The following VWCE variants were observed in gnomAD, a reference collection of about 807,000 sequenced individuals.
VWCE encodes von Willebrand factor C and EGF domain-containing protein.
A neutral mutation model predicts 102.9 loss-of-function variants in VWCE; 68 were observed. The observed-to-expected ratio is 0.66, with a 90% CI of 0.54 to 0.81. The LOEUF is 0.81. Ranked by LOEUF, VWCE falls within the 30% of genes least tolerant of loss-of-function variation. The probability of loss-of-function intolerance (pLI) is 0.00; values close to 1 mark genes in which losing one functional copy is unlikely to be tolerated. For missense variants in VWCE, 1,137 were observed against 1,263.6 expected, an observed-to-expected ratio of 0.90 and a Z score of 1.52; for synonymous variants, 497 against 515.4, an observed-to-expected ratio of 0.96 and a Z score of 0.48.
chr11:61,272,869 C>T (rs564680825), intron 13 of VWCE, among the ~76,000 whole-genome samples: 2 of 151,902 alleles, frequency 1.3e-5, no homozygotes, highest in Admixed American at 6.6e-5. Flanking sequence ...CAGACACATA[C>T]ACACACACCC....
At chr11:61,266,387 T>C (rs1226664836) in intron 16 of VWCE, among the ~76,000 whole-genome samples, 1 of 151,904 alleles carries the variant, frequency 6.6e-6, no homozygotes, top group Non-Finnish European at 1.5e-5. Flanking sequence ...GAAAAGAATT[T>C]TTTAATTAGC....
rs1024621593 is a variant in VWCE, at chr11:61,274,635, T to A, written c.1496-51A>T. ...CTCAAGGTCTTTGGGCAGAGGCAGC[T>A]AAAGAAAGGGGGGAACAAATGGGTA... On this transcript the variant is annotated intron_variant, in intron 11 of 19. Transcript: ENST00000335613. 5 of 1,573,370 alleles carry A rather than the reference T, an allele frequency of 3.2e-6. No homozygotes were observed. The African/African-American group carries it at 5.4e-5, about 17-fold the overall frequency.
rs949749975 is a variant in VWCE at position 61,294,482 on chromosome 11, G to A, written c.110+446C>T. Among the ~76,000 whole-genome samples the A allele has an allele frequency of 7.9e-5, 12 of 152,174 alleles. No individual in the cohort carries two copies. The highest frequency in any genetic ancestry group is 4.6e-4 in the Admixed American group (7 of 15,286). On this transcript the variant is annotated intron_variant, in intron 1 of 19. Coordinates refer to ENST00000335613, the MANE Select transcript of VWCE (RefSeq NM_152718.2). The surrounding 1 kb of genome is among the most constrained non-coding windows in gnomAD (Gnocchi z 6.3). The stretch of plus-strand genomic sequence containing the variant: ...AAACGAAAAGTGACCCAGAGACCCC[G>A]GCTGTTCCAAGGTCCATGAAGTTCG...
chr11:61,286,363 G>A lies in VWCE; in HGVS notation c.492C>T (p.Cys164=), dbSNP rs757302958. 1.1e-5 allele frequency: 18 copies of A among 1,612,050 alleles called. No homozygotes were observed. The highest frequency in any genetic ancestry group is 8.0e-5 in the African/African-American group (6 of 75,052). The change falls in exon 5 of 20, where the codon TGC becomes TGT. Residue 164 remains cysteine, a synonymous_variant. Transcript: ENST00000335613. ...ACAGCTGCATGCCCGGCCCACACTC[G>A]CACACAAACCCACCTTCTGTGTTCA... ...HCVNTEGGFV[C]ECGPGMQLSA...
In VWCE at chr11:61,282,389, A is replaced by G. The variant is rs375975929; in HGVS notation, c.658+400T>C. ...AGCCAAGCTCAAACCAAACATGCCA[A>G]TCCCTTTCTGGAAATTTCTGCTAAT... On this transcript the variant is annotated intron_variant, in intron 6 of 19. Transcript: ENST00000335613. 64 of 198,354 alleles carry G rather than the reference A, an allele frequency of 3.2e-4. 1 individual carries two copies. Among genetic ancestry groups the G allele is most frequent in the Middle Eastern group, 4.2e-3 (2 of 478 alleles). 12.3% of individuals were successfully genotyped at this position (198,354 alleles called of 1,614,324 possible).
chr11:61,281,670 C>G, intron 7 of VWCE, 116 bp downstream of exon 7: 1 of 1,287,082 alleles, frequency 7.8e-7, no homozygotes, highest in Non-Finnish European at 1.0e-6. Context: ...GCTGAGAGGG[C>G]GTGGCTGGGC....
chr11:61,294,951 C>G lies in VWCE; in HGVS notation c.87G>C (p.Pro29=). The change falls in exon 1 of 20, where the codon CCG becomes CCC. Residue 29 remains proline, a synonymous_variant. Transcript: ENST00000335613. This position sits in a 1 kb window ranked among gnomAD's most constrained non-coding sequence, Gnocchi z 6.3. ...ACCTCTCGGCCGCGAAGTGCCCGGG[C>G]GGCTTCCTCCCGGTGTAGCCTCGGG... is the stretch of plus-strand genomic sequence containing the variant. The part of the protein sequence containing the change: ...APARGYTGRK[P]PGHFAAERRR... 6.9e-7 allele frequency: 1 copy of G among 1,453,930 alleles called. No individual in the cohort carries two copies. The highest frequency in any genetic ancestry group is 1.3e-5 in the South Asian group (1 of 75,822). 90.1% of individuals were successfully genotyped at this position (1,453,930 alleles called of 1,614,324 possible). A position where few individuals can be genotyped will look rare whatever the true frequency, so the allele number is the denominator to read the frequency against.
Position 61,295,050 on chromosome 11 carries a change from C to A in VWCE, c.-13G>T. ...GTCCGGCCCACATGACCGGCGGCGG[C>A]GGGTCCCCCGGGCTGGGCTCGGCTC... On this transcript the variant is annotated 5_prime_UTR_variant, in exon 1 of 20. Coordinates refer to ENST00000335613, the MANE Select transcript of VWCE (RefSeq NM_152718.2). This position sits in a 1 kb window ranked among gnomAD's most constrained non-coding sequence, Gnocchi z 4.6. 3 of 1,355,018 alleles carry A rather than the reference C, an allele frequency of 2.2e-6. No homozygotes were observed. Among genetic ancestry groups the A allele is most frequent in the South Asian group, 3.4e-5 (2 of 58,328 alleles). The allele number at this position is 1,355,018 out of a possible 1,614,324, so 83.9% of individuals were successfully genotyped here.
intron 10 of VWCE, among the ~76,000 whole-genome samples, chr11:61,277,544 G>A (rs1390666093): frequency 6.6e-6 from 1 of 152,074 alleles, no homozygotes; most frequent in Non-Finnish European, 1.5e-5. Context: ...GCCCGAGGCT[G>A]CAATGAGCTA....
rs373641413 is a variant in VWCE at position 61,264,929 on chromosome 11, G to A, written c.2139+27C>T. ...CAAGAAGCTGCCCTCTGGCGGGGCCGCTCCTGGGTTCCCAGGCCCAGCTCA... is the reference window on the plus strand; with the variant it reads ...CAAGAAGCTGCCCTCTGGCGGGGCCACTCCTGGGTTCCCAGGCCCAGCTCA... On this transcript the variant is annotated intron_variant, in intron 18 of 19. Coordinates refer to ENST00000335613, the MANE Select transcript of VWCE (RefSeq NM_152718.2). The A allele has an allele frequency of 8.9e-5, 143 of 1,611,402 alleles. No individual in the cohort carries two copies. The South Asian group carries it at 9.6e-4, about 11-fold the overall frequency.
rs190799251 is a variant in VWCE at position 61,286,569 on chromosome 11, G to A, written c.425-139C>T. 4.6e-4 allele frequency: 323 copies of A among 705,988 alleles called. 2 individuals carry two copies. In the East Asian group the frequency reaches 8.4e-3, roughly 18 times the overall value. The allele number at this position is 705,988 out of a possible 1,614,324, so 43.7% of individuals were successfully genotyped here. A position where few individuals can be genotyped will look rare whatever the true frequency, so the allele number is the denominator to read the frequency against. On this transcript the variant is annotated intron_variant, in intron 4 of 19. Coordinates refer to ENST00000335613, the MANE Select transcript of VWCE (RefSeq NM_152718.2). ...TGTAATCCCAGCACTTTGGGAGGCC[G>A]AGGCCCATGGATCACCAGAGGTCGG...
chr11:61,285,176 G>T (rs376773646), intron 5 of VWCE, among the ~76,000 whole-genome samples: 7 of 152,176 alleles, frequency 4.6e-5, no homozygotes, highest in African/African-American at 1.7e-4. Flanking sequence ...AGACTAAGAC[G>T]CGCAGGCTAT....
Position 61,273,293 on chromosome 11 carries a change from G to A in VWCE, c.1605C>T (p.Phe535=). The A allele has an allele frequency of 6.2e-7, 1 of 1,613,060 alleles. No individual in the cohort carries two copies. The highest frequency in any genetic ancestry group is 1.1e-5 in the South Asian group (1 of 90,988). ...GGCAGGCCAGCTCAGGGCAGGGCAT[G>A]AAGGAGCACTCCACCTCCCCATTCT... ...VCQNGEVECS[F]MPCPELACPR... Residue 535 remains phenylalanine (F), a synonymous_variant, in exon 13 of 20, where the codon TTC becomes TTT. Transcript: ENST00000335613.
Position 61,294,960 on chromosome 11 carries a change from C to T in VWCE, c.78G>A (p.Gly26=). Reference sequence around the variant, plus strand: ...CCGCGAAGTGCCCGGGCGGCTTCCTCCCGGTGTAGCCTCGGGCTGGTGCCC... The same window carrying T: ...CCGCGAAGTGCCCGGGCGGCTTCCTTCCGGTGTAGCCTCGGGCTGGTGCCC... ...LPGAPARGYT[G]RKPPGHFAAE... Residue 26 remains glycine, a synonymous_variant, in exon 1 of 20, where the codon GGG becomes GGA. Transcript: ENST00000335613. The surrounding 1 kb of genome is among the most constrained non-coding windows in gnomAD (Gnocchi z 6.3). The T allele has an allele frequency of 6.8e-7, 1 of 1,462,608 alleles. No homozygotes were observed. The highest frequency in any genetic ancestry group is 9.0e-7 in the Non-Finnish European group (1 of 1,106,706). The allele number at this position is 1,462,608 out of a possible 1,614,324, so 90.6% of individuals were successfully genotyped here.
intron 13 of VWCE, among the ~76,000 whole-genome samples, 163 bp from the exon 14 acceptor site, chr11:61,271,923 C>T (rs1854719110): frequency 6.6e-6 from 1 of 152,098 alleles, no homozygotes; most frequent in African/African-American, 2.4e-5. Context: ...TACACAGATA[C>T]AATTCACACA....
In VWCE at chr11:61,265,176, T is replaced by TG; in HGVS notation, c.2001dup (p.Ile668HisfsTer10). ...GGGTGGAAAGGGTAGGTACAGGTGA[T>TG]GGGGCAGTCCACGGGGGAACAGGCC... is the stretch of plus-strand genomic sequence containing the variant. On this transcript the variant is annotated frameshift_variant, in exon 17 of 20. Coordinates refer to ENST00000335613, the MANE Select transcript of VWCE (RefSeq NM_152718.2). LOFTEE classifies it high-confidence loss of function. 1 of 1,534,008 alleles carries TG rather than the reference T, an allele frequency of 6.5e-7. No individual in the cohort carries two copies. The highest frequency in any genetic ancestry group is 8.8e-7 in the Non-Finnish European group (1 of 1,139,138).
At position 61,295,139 on chromosome 11, in the gene VWCE, G is replaced by T; in HGVS notation, c.-102C>A. 1.4e-6 allele frequency: 1 copy of T among 693,090 alleles called. No homozygotes were observed. The highest frequency in any genetic ancestry group is 2.0e-6 in the Non-Finnish European group (1 of 488,142). 42.9% of individuals were successfully genotyped at this position (693,090 alleles called of 1,614,324 possible). On this transcript the variant is annotated 5_prime_UTR_variant, in exon 1 of 20. Transcript: ENST00000335613. The surrounding 1 kb of genome is among the most constrained non-coding windows in gnomAD (Gnocchi z 4.6). The stretch of plus-strand genomic sequence containing the variant: ...CCCTCCTCCTGGCGCCGTGGGGAGC[G>T]AACCAGCGATCCCCGAAATGGCACG...
chr11:61,260,921 A>C (rs1352291319), intron 19 of VWCE, among the ~76,000 whole-genome samples: 1 of 152,146 alleles, frequency 6.6e-6, no homozygotes, highest in East Asian at 1.9e-4. Context: ...AGAGTGAAGA[A>C]GCAAAAAAAG....
At chr11:61,278,555 G>T in intron 9 of VWCE, 79 bp from the exon 10 acceptor site, 2 of 1,330,420 alleles carry the variant, frequency 1.5e-6, no homozygotes, top group Admixed American at 1.8e-5. Flanking sequence ...GCTTCTCCAT[G>T]CTTAATGTAC....
Sources: allele counts gnomAD v4.1 joint callset (sites outside exome capture counted in the v4.1 genomes callset), GRCh38; gene constraint gnomAD v4.1.1; non-coding constraint Gnocchi (gnomAD v3.1); transcripts MANE v1.5; gene names NCBI Gene and HGNC (gene_info 2026-07-23, HGNC 2026-07-21).